Variants in ARHGAP24 observed in about 807,000 individuals in gnomAD.
ARHGAP24 encodes the protein rho GTPase-activating protein 24.
A neutral mutation model predicts 76.4 loss-of-function variants in ARHGAP24; 50 were observed. The observed-to-expected ratio is 0.65, with a 90% confidence interval of 0.52 to 0.83. The LOEUF (loss-of-function observed/expected upper bound fraction) is 0.83. ARHGAP24 is among the 40% of genes least tolerant of loss of function. ARHGAP24 has a pLI of 0.00. For missense variants in ARHGAP24, 930 were observed against 914.2 expected (o/e 1.02, Z -0.22); for synonymous variants, 345 against 323.3 (o/e 1.07, Z -0.72).
intron 3 of ARHGAP24, among the ~76,000 whole-genome samples, chr4:85,919,695 C>T (rs565029636): frequency 9.2e-5 from 14 of 152,242 alleles, no homozygotes; most frequent in African/African-American, 3.4e-4. Context: ...TTGTGCATAT[C>T]ATTCTTTTTC....
chr4:85,645,331 G>A (rs1345651913), intron 2 of ARHGAP24, among the ~76,000 whole-genome samples: 1 of 152,064 alleles, frequency 6.6e-6, no homozygotes, highest in South Asian at 2.1e-4. Flanking sequence ...TGGTGGTTTG[G>A]TAATGGAATT....
intron 3 of ARHGAP24, among the ~76,000 whole-genome samples, chr4:85,768,628 A>C (rs990700249): frequency 6.6e-5 from 10 of 152,060 alleles, no homozygotes; most frequent in Non-Finnish European, 1.3e-4. Flanking sequence ...AAATACAAAA[A>C]TTAGCCGGGT....
chr4:85,551,510 T>C (rs763244543), intron 1 of ARHGAP24, among the ~76,000 whole-genome samples: 1 of 152,028 alleles, frequency 6.6e-6, no homozygotes, highest in Non-Finnish European at 1.5e-5. Flanking sequence ...TGTTGTTGTA[T>C]GTCTCCTGGG....
At chr4:85,811,126 T>C (rs1378135779) in intron 3 of ARHGAP24, among the ~76,000 whole-genome samples, 4 of 152,220 alleles carry the variant, frequency 2.6e-5, no homozygotes. Context: ...ACATGGCTAC[T>C]AGCAGCTTTT....
intron 2 of ARHGAP24, among the ~76,000 whole-genome samples, chr4:85,576,646 A>G (rs1727388546): frequency 6.6e-6 from 1 of 152,192 alleles, no homozygotes; most frequent in Non-Finnish European, 1.5e-5. Flanking sequence ...TTTGGTGTTT[A>G]AAACGACACT....
intron 2 of ARHGAP24, chr4:85,604,008 G>C (rs753305807): frequency 1.3e-5 from 2 of 152,192 alleles, no homozygotes; most frequent in Non-Finnish European, 2.9e-5. Flanking sequence ...ATGTTTGCAA[G>C]TCCTGAAAAG....
chr4:85,827,489 T>TGTGTGTGTGC, intron 3 of ARHGAP24, among the ~76,000 whole-genome samples: 1 of 150,442 alleles, frequency 6.6e-6, no homozygotes. Context: ...TGTGTGTGTG[T>TGTGTGTGTGC]GTGTGTGTGT....
intron 1 of ARHGAP24, among the ~76,000 whole-genome samples, chr4:85,537,369 C>G (rs1057081327): frequency 2.6e-5 from 4 of 152,056 alleles, no homozygotes; most frequent in Non-Finnish European, 4.4e-5. Context: ...CTTTCTTTTC[C>G]TTTCTTGATT....
At chr4:85,908,746 G>T (rs546431399) in intron 3 of ARHGAP24, among the ~76,000 whole-genome samples, 1 of 152,100 alleles carries the variant, frequency 6.6e-6, no homozygotes, top group African/African-American at 2.4e-5. Flanking sequence ...AGTGAGTTTT[G>T]GTCAAAATAC....
At position 85,930,247 on chromosome 4, in the gene ARHGAP24, G is replaced by A. The variant is rs896711605; in HGVS notation, c.391+6477G>A. The A allele has an allele frequency of 2.9e-5, 29 of 985,508 alleles. No individual in the cohort carries two copies. The African/African-American group carries it at 3.7e-4, about 12-fold the overall frequency. The allele number at this position is 985,508 out of a possible 1,614,324, so 61.0% of individuals were successfully genotyped here. A position where few individuals can be genotyped will look rare whatever the true frequency, so the allele number is the denominator to read the frequency against. ...AAAGAGCCTCTTGGAATGGGCACTCGACTGTTCTGACGTTGTGATTCTCTC... is the reference window on the plus strand; with the variant it reads ...AAAGAGCCTCTTGGAATGGGCACTCAACTGTTCTGACGTTGTGATTCTCTC... On this transcript the variant is annotated intron_variant, in intron 4 of 9. Transcript: ENST00000395184.
At chr4:85,888,132 G>A (rs114163055) in intron 3 of ARHGAP24, among the ~76,000 whole-genome samples, 1,831 of 152,176 alleles carry the variant, frequency 0.012, 34 homozygotes, top group African/African-American at 0.042. Flanking sequence ...GCTGGGCGTG[G>A]TGGCTTACGC....
chr4:85,933,811 G>A (rs1216217257), intron 4 of ARHGAP24, among the ~76,000 whole-genome samples: 1 of 152,092 alleles, frequency 6.6e-6, no homozygotes, highest in East Asian at 1.9e-4. Context: ...GTGATCCCAG[G>A]ATGCTAAATT....
At chr4:85,765,120 C>A (rs1043851941) in intron 3 of ARHGAP24, among the ~76,000 whole-genome samples, 16 of 151,922 alleles carry the variant, frequency 1.1e-4, no homozygotes, top group African/African-American at 2.9e-4. Flanking sequence ...ATTCCTGAAA[C>A]TAATATTTAA....
chr4:85,629,627 T>C (rs1160778112), intron 2 of ARHGAP24, among the ~76,000 whole-genome samples: 1 of 152,186 alleles, frequency 6.6e-6, no homozygotes, highest in Non-Finnish European at 1.5e-5. Flanking sequence ...TATCTTATTC[T>C]TGGTCAGCAG....
chr4:86,000,233 A>G (rs1276822879), intron 9 of ARHGAP24: 1 of 395,526 alleles, frequency 2.5e-6, no homozygotes, highest in African/African-American at 2.0e-5. Context: ...CTATTAAATG[A>G]CAGCTGCTTC....
intron 3 of ARHGAP24, among the ~76,000 whole-genome samples, chr4:85,749,277 G>C (rs1726163920): frequency 6.6e-6 from 1 of 152,168 alleles, no homozygotes; most frequent in African/African-American, 2.4e-5. Context: ...TTGCTTCTTA[G>C]TTGTTGATTG....
At chr4:85,606,306 G>A (rs1282346685) in intron 2 of ARHGAP24, among the ~76,000 whole-genome samples, 1 of 152,192 alleles carries the variant, frequency 6.6e-6, no homozygotes, top group East Asian at 1.9e-4. Context: ...GAGGTCATGA[G>A]ATCGAGACCA....
intron 3 of ARHGAP24, among the ~76,000 whole-genome samples, chr4:85,887,819 A>T: frequency 6.6e-6 from 1 of 152,184 alleles, no homozygotes. Flanking sequence ...GGTCATAGGT[A>T]AGATACCTTT....
At chr4:85,590,207 TTCC>T (rs1728032627) in intron 2 of ARHGAP24, among the ~76,000 whole-genome samples, 1 of 72,848 alleles carries the variant, frequency 1.4e-5, no homozygotes. Context: ...CCTTCCTTCC[TTCC>T]TTCCTTCCTT....
Sources: allele counts gnomAD v4.1 joint callset (sites outside exome capture counted in the v4.1 genomes callset), GRCh38; gene constraint gnomAD v4.1.1; transcripts MANE v1.5; gene names NCBI Gene and HGNC (gene_info 2026-07-23, HGNC 2026-07-21).